The following PCCB variants were observed in gnomAD, a reference collection of about 807,000 sequenced individuals.
PCCB encodes propionyl-CoA carboxylase beta chain, mitochondrial.
In PCCB, 43 loss-of-function variants were observed where a neutral mutation model predicts 60.7. That is an observed-to-expected ratio of 0.71 (90% confidence interval 0.55 to 0.91). PCCB has a LOEUF of 0.91. Among genes scored for constraint, PCCB ranks in the 40% least tolerant of loss-of-function variants. The pLI is 0.00. For synonymous variants in PCCB, 276 were observed against 255.9 expected (o/e 1.08, Z -0.75); for missense variants, 766 against 702.8 (o/e 1.09, Z -1.02).
intron 9 of PCCB, among the ~76,000 whole-genome samples, chr3:136,310,063 C>T (rs1488297279): frequency 6.6e-6 from 1 of 151,882 alleles, no homozygotes; most frequent in African/African-American, 2.4e-5. Context: ...GAAACTCTGT[C>T]TCTACAAAAA....
chr3:136,271,130 A>G (rs1309690457), intron 5 of PCCB, among the ~76,000 whole-genome samples: 2 of 151,980 alleles, frequency 1.3e-5, no homozygotes, highest in Non-Finnish European at 2.9e-5. Flanking sequence ...TAGTTTAATT[A>G]GGTCCCATTT....
intron 10 of PCCB, chr3:136,326,269 T>C: frequency 1.4e-6 from 1 of 693,656 alleles, no homozygotes; most frequent in South Asian, 1.5e-5. Flanking sequence ...AGTTGGAAAC[T>C]CTTCTAGGAG....
At chr3:136,325,361 CTTTCCTTTTT>C (rs1935267260) in intron 10 of PCCB, among the ~76,000 whole-genome samples, 1 of 151,198 alleles carries the variant, frequency 6.6e-6, no homozygotes, top group South Asian at 2.1e-4. Flanking sequence ...ATTTCCTTTC[CTTTCCTTTTT>C]TTTTTATTTG....
At chr3:136,317,242 T>A (rs965686802) in intron 10 of PCCB, among the ~76,000 whole-genome samples, 178 bp downstream of exon 10, 6 of 130,770 alleles carry the variant, frequency 4.6e-5, no homozygotes, top group South Asian at 5.1e-4. Context: ...TTTTTTTTTT[T>A]AGACAGGGTC....
chr3:136,300,353 C>T (rs1312411493), intron 8 of PCCB, among the ~76,000 whole-genome samples: 1 of 152,156 alleles, frequency 6.6e-6, no homozygotes, highest in African/African-American at 2.4e-5. Flanking sequence ...CCTGGCTGCC[C>T]ACACTGGGAA....
At chr3:136,310,052 C>G (rs1224923314) in intron 9 of PCCB, among the ~76,000 whole-genome samples, 1 of 151,122 alleles carries the variant, frequency 6.6e-6, no homozygotes, top group Non-Finnish European at 1.5e-5. Context: ...GGCAACATGA[C>G]GAAACTCTGT....
At chr3:136,273,301 A>T (rs1258850431) in intron 5 of PCCB, among the ~76,000 whole-genome samples, 2 of 152,166 alleles carry the variant, frequency 1.3e-5, no homozygotes, top group African/African-American at 4.8e-5. Flanking sequence ...GTTGTTTGGT[A>T]GAATGTTCTG....
chr3:136,321,025 G>C (rs1320338308), intron 10 of PCCB, among the ~76,000 whole-genome samples: 2 of 152,154 alleles, frequency 1.3e-5, no homozygotes, highest in East Asian at 3.8e-4. Flanking sequence ...GTTTTATCAT[G>C]AAAGGGTGTT....
intron 9 of PCCB, among the ~76,000 whole-genome samples, chr3:136,308,798 G>A (rs9856769): frequency 0.039 from 5,913 of 152,108 alleles, 155 homozygotes; most frequent in East Asian, 0.13. Context: ...GCCTCCAGCC[G>A]GGAAATAAAT....
At chr3:136,300,996 A>G (rs776644756) in intron 8 of PCCB, 34 bp from the exon 9 acceptor site, 22 of 1,538,950 alleles carry the variant, frequency 1.4e-5, no homozygotes, top group South Asian at 3.3e-5. Context: ...GGCTCTTCCT[A>G]TGTTGACTAT....
chr3:136,283,938 C>T lies in PCCB; in HGVS notation c.645C>T (p.Phe215=), dbSNP rs1250882565. The change falls in exon 6 of 15, where the codon TTC becomes TTT. Residue 215 remains phenylalanine (F), a synonymous_variant. Coordinates refer to ENST00000251654, the MANE Select transcript of PCCB (RefSeq NM_000532.5). ...CCCCAGCCCTAACAGACTTCACGTT[C>T]ATGGTAAAGGTAAGAAAGAAGGGCC... The part of the protein sequence containing the change: ...VYSPALTDFT[F]MVKDTSYLFI... 1.7e-5 allele frequency: 28 copies of T among 1,605,452 alleles called. No individual in the cohort carries two copies. Among genetic ancestry groups the T allele is most frequent in the Admixed American group, 3.3e-5 (2 of 59,988 alleles).
intron 4 of PCCB, among the ~76,000 whole-genome samples, chr3:136,261,194 T>A (rs1576406571): frequency 6.6e-6 from 1 of 152,226 alleles, no homozygotes; most frequent in Non-Finnish European, 1.5e-5. Flanking sequence ...CATTGTATGC[T>A]GATATTTAAA....
chr3:136,301,602 G>A (rs949202138), intron 9 of PCCB, among the ~76,000 whole-genome samples: 44 of 152,048 alleles, frequency 2.9e-4, no homozygotes, highest in Non-Finnish European at 6.0e-4. Flanking sequence ...GGGTCATTAA[G>A]TAAAGGGGAC....
chr3:136,276,861 G>A (rs1942343143), intron 5 of PCCB, among the ~76,000 whole-genome samples: 1 of 152,224 alleles, frequency 6.6e-6, no homozygotes, highest in Admixed American at 6.5e-5. Flanking sequence ...GAAAGATCTG[G>A]AACTCAAGGC....
chr3:136,313,644 A>G (rs142823435), intron 9 of PCCB, among the ~76,000 whole-genome samples: 3,422 of 152,320 alleles, frequency 0.022, 75 homozygotes, highest in Non-Finnish European at 0.037. Context: ...TTTACATATT[A>G]AAAAATAAAA....
At chr3:136,264,899 C>T (rs1406268290) in intron 5 of PCCB, among the ~76,000 whole-genome samples, 1 of 123,456 alleles carries the variant, frequency 8.1e-6, no homozygotes, top group Non-Finnish European at 1.7e-5. Flanking sequence ...AAAAAAAGAG[C>T]TTAATGCTTA....
At chr3:136,304,150 CTTT>C (rs757141619) in intron 9 of PCCB, among the ~76,000 whole-genome samples, 2 of 98,824 alleles carry the variant, frequency 2.0e-5, no homozygotes, top group Non-Finnish European at 2.2e-5. Context: ...ATCTCTTCGT[CTTT>C]TTTTTTTTTT....
chr3:136,266,725 G>A (rs945346661), intron 5 of PCCB, among the ~76,000 whole-genome samples: 16 of 152,152 alleles, frequency 1.1e-4, no homozygotes, highest in African/African-American at 3.9e-4. Context: ...TTGCTGAAAT[G>A]TCTATTCAGA....
chr3:136,274,940 A>G (rs1047345324), intron 5 of PCCB, among the ~76,000 whole-genome samples: 1 of 151,190 alleles, frequency 6.6e-6, no homozygotes, highest in Non-Finnish European at 1.5e-5. Flanking sequence ...CCTCCTGAGT[A>G]TCTGGGACTA....
Sources: allele counts gnomAD v4.1 joint callset (sites outside exome capture counted in the v4.1 genomes callset), GRCh38; gene constraint gnomAD v4.1.1; transcripts MANE v1.5; gene names NCBI Gene and HGNC (gene_info 2026-07-23, HGNC 2026-07-21).